The following ARMH4 variants were observed in gnomAD, a reference collection of about 807,000 sequenced individuals.
The protein encoded by ARMH4 is armadillo like helical domain containing 4, also known as armadillo-like helical domain-containing protein 4.
In ARMH4, 49 loss-of-function variants were observed where a neutral mutation model predicts 61.9. That is an observed-to-expected ratio of 0.79 (90% confidence interval 0.63 to 1.00). The LOEUF (loss-of-function observed/expected upper bound fraction) is 1.00. ARMH4 is among the 50% of genes least tolerant of loss of function. The probability of loss-of-function intolerance (pLI) is 0.00; values close to 1 mark genes in which losing one functional copy is unlikely to be tolerated. For missense variants in ARMH4, 934 were observed against 930.0 expected, an observed-to-expected ratio of 1.00 and a Z score of -0.06; for synonymous variants, 368 against 341.5, an observed-to-expected ratio of 1.08 and a Z score of -0.85.
At chr14:58,141,847 C>G (rs1375143235) in intron 1 of ARMH4, among the ~76,000 whole-genome samples, 1 of 151,984 alleles carries the variant, frequency 6.6e-6, no homozygotes, top group East Asian at 1.9e-4. Flanking sequence ...AAACATGTTT[C>G]AAAATTTAAG....
intron 5 of ARMH4, among the ~76,000 whole-genome samples, chr14:58,064,327 G>C (rs1007648414): frequency 2.0e-5 from 3 of 152,142 alleles, no homozygotes; most frequent in Non-Finnish European, 4.4e-5. Context: ...CTAATGCCCT[G>C]AGATACCTCT....
At position 58,001,802 on chromosome 14, in the gene ARMH4, G is replaced by A. The variant is rs1001744356; in HGVS notation, c.*2934C>T. 1 of 152,128 alleles carries A rather than the reference G, an allele frequency of 6.6e-6. No homozygotes were observed. Among genetic ancestry groups the A allele is most frequent in the African/African-American group, 2.4e-5 (1 of 41,420 alleles). The allele number at this position is 152,128 out of a possible 1,614,324, so 9.4% of individuals were successfully genotyped here. ...TGTATGTTTCACAAGTGTCCCAGGTGATTTTTATGAGCCTGCAAATTCTGG... is the reference window on the plus strand; with the variant it reads ...TGTATGTTTCACAAGTGTCCCAGGTAATTTTTATGAGCCTGCAAATTCTGG... On this transcript the variant is annotated 3_prime_UTR_variant, in exon 8 of 8. Coordinates refer to ENST00000267485, the MANE Select transcript of ARMH4 (RefSeq NM_001001872.4).
intron 5 of ARMH4, among the ~76,000 whole-genome samples, chr14:58,087,308 C>T (rs1885415688): frequency 6.6e-6 from 1 of 152,114 alleles, no homozygotes; most frequent in Admixed American, 6.6e-5. Context: ...TCGGGAGATG[C>T]AGCTGGTCCA....
intron 5 of ARMH4, among the ~76,000 whole-genome samples, chr14:58,089,682 C>T (rs1885496133): frequency 6.6e-6 from 1 of 152,194 alleles, no homozygotes; most frequent in African/African-American, 2.4e-5. Context: ...CTTCTGAAGA[C>T]ACGTATCAAT....
chr14:58,102,932 A>G (rs1026599804), intron 4 of ARMH4, among the ~76,000 whole-genome samples: 4 of 152,000 alleles, frequency 2.6e-5, no homozygotes, highest in African/African-American at 9.7e-5. Context: ...TCAGGAGCTC[A>G]AGACCAGCCT....
At chr14:58,056,960 A>T (rs1236229776) in intron 5 of ARMH4, among the ~76,000 whole-genome samples, 1 of 151,776 alleles carries the variant, frequency 6.6e-6, no homozygotes, top group African/African-American at 2.4e-5. Flanking sequence ...CCTCCTTCAC[A>T]CTCTCCTTCC....
intron 5 of ARMH4, among the ~76,000 whole-genome samples, chr14:58,068,357 C>T (rs776680226): frequency 1.3e-5 from 2 of 152,100 alleles, no homozygotes; most frequent in Non-Finnish European, 2.9e-5. Flanking sequence ...TAATTGCCTA[C>T]ACTTGAAAAT....
chr14:58,150,572 C>G (rs1481884560), intron 1 of ARMH4, among the ~76,000 whole-genome samples: 1 of 152,100 alleles, frequency 6.6e-6, no homozygotes, highest in African/African-American at 2.4e-5. Flanking sequence ...CAGGAAACTC[C>G]GGAATATGTA....
At chr14:58,049,260 A>T (rs920326667) in intron 5 of ARMH4, among the ~76,000 whole-genome samples, 4 of 151,944 alleles carry the variant, frequency 2.6e-5, no homozygotes, top group African/African-American at 7.2e-5. Context: ...AAAAAGAAAA[A>T]TCAAAGAAAA....
intron 5 of ARMH4, among the ~76,000 whole-genome samples, chr14:58,080,516 T>C (rs1885185514): frequency 6.6e-6 from 1 of 152,140 alleles, no homozygotes; most frequent in African/African-American, 2.4e-5. Flanking sequence ...TAGAAGTAGA[T>C]ATTATAAAAT....
rs184138932 is a variant in ARMH4 at position 58,110,134 on chromosome 14, G to A, written c.1832-13153C>T. ...TTGGGTGGGGATACAGAGCCAAACCGTATCAATAGCTTAAGGTGGAAGTTA... is the reference window on the plus strand; with the variant it reads ...TTGGGTGGGGATACAGAGCCAAACCATATCAATAGCTTAAGGTGGAAGTTA... On this transcript the variant is annotated intron_variant, in intron 4 of 7. Coordinates refer to ENST00000267485, the MANE Select transcript of ARMH4 (RefSeq NM_001001872.4). Among the ~76,000 whole-genome samples, 1,190 of 152,200 alleles carry A rather than the reference G, an allele frequency of 7.8e-3. 9 individuals carry two copies. The highest frequency in any genetic ancestry group is 0.024 in the Middle Eastern group (7 of 294).
chr14:58,092,174 C>T (rs1472143263), intron 5 of ARMH4, among the ~76,000 whole-genome samples: 1 of 151,442 alleles, frequency 6.6e-6, no homozygotes, highest in Non-Finnish European at 1.5e-5. Flanking sequence ...TTAGCATTTG[C>T]TTTGGAATAC....
At chr14:58,014,052 T>C (rs562848168) in intron 5 of ARMH4, among the ~76,000 whole-genome samples, 2 of 139,252 alleles carry the variant, frequency 1.4e-5, no homozygotes, top group East Asian at 2.2e-4. Context: ...AAGAAAGTCA[T>C]TGGAACTCAA....
At chr14:58,017,327 G>A (rs1262978876) in intron 5 of ARMH4, among the ~76,000 whole-genome samples, 2 of 152,068 alleles carry the variant, frequency 1.3e-5, no homozygotes, top group South Asian at 2.1e-4. Flanking sequence ...ATAATAAGAG[G>A]AAGAACTTAA....
chr14:58,116,060 G>A (rs998368960), intron 4 of ARMH4: 1 of 152,162 alleles, frequency 6.6e-6, no homozygotes, highest in Non-Finnish European at 1.5e-5. Context: ...AAACCTAAAA[G>A]TTGAAAGAAA....
chr14:58,133,697 A>C lies in ARMH4; in HGVS notation c.1370-356T>G, dbSNP rs1594777113. ...ATACAGAACTAAGTTACACTCAAAA[A>C]CTCTCAGAAACATTTGTATACAGTG... is the stretch of plus-strand genomic sequence containing the variant. On this transcript the variant is annotated intron_variant, in intron 2 of 7. Coordinates refer to ENST00000267485, the MANE Select transcript of ARMH4 (RefSeq NM_001001872.4). Among the ~76,000 whole-genome samples the C allele has an allele frequency of 2.0e-5, 3 of 152,148 alleles. No individual in the cohort carries two copies. The East Asian group carries it at 5.8e-4, about 29-fold the overall frequency.
chr14:58,083,904 A>G (rs1012117390), intron 5 of ARMH4, among the ~76,000 whole-genome samples: 1 of 152,244 alleles, frequency 6.6e-6, no homozygotes, highest in African/African-American at 2.4e-5. Context: ...TTCTTCATTA[A>G]TAACGAGTTA....
At chr14:58,103,511 A>G (rs1202011489) in intron 4 of ARMH4, among the ~76,000 whole-genome samples, 2 of 149,250 alleles carry the variant, frequency 1.3e-5, no homozygotes, top group Non-Finnish European at 3.0e-5. Flanking sequence ...CATAAAACCA[A>G]CTCCCGCCCC....
chr14:58,066,173 T>G (rs977606798), intron 5 of ARMH4, among the ~76,000 whole-genome samples: 3 of 152,238 alleles, frequency 2.0e-5, no homozygotes, highest in Admixed American at 6.5e-5. Flanking sequence ...ACTTCCAGGA[T>G]AATTCTGCAA....
Sources: allele counts gnomAD v4.1 joint callset (sites outside exome capture counted in the v4.1 genomes callset), GRCh38; gene constraint gnomAD v4.1.1; transcripts MANE v1.5; gene names NCBI Gene and HGNC (gene_info 2026-07-23, HGNC 2026-07-21).